The following RALGAPB variants were observed in gnomAD, a reference collection of about 807,000 sequenced individuals.
The protein encoded by RALGAPB is ral GTPase-activating protein subunit beta.
Under a neutral mutation model 161.1 loss-of-function variants are expected in RALGAPB, and 25 were observed. The observed-to-expected ratio is 0.16, with a 90% CI of 0.11 to 0.22. The LOEUF (loss-of-function observed/expected upper bound fraction) is 0.22, where lower values mean the gene tolerates loss of function less well. RALGAPB is among the 10% of genes least tolerant of loss of function. RALGAPB has a pLI of 1.00. For missense variants in RALGAPB, 1,391 were observed against 1,815.2 expected (o/e 0.77, Z 4.25); for synonymous variants, 629 against 626.1 (o/e 1.00, Z -0.07).
At chr20:38,508,082 C>T (rs1273413405) in intron 5 of RALGAPB, among the ~76,000 whole-genome samples, 1 of 150,976 alleles carries the variant, frequency 6.6e-6, no homozygotes, top group Non-Finnish European at 1.5e-5. Context: ...TGAGATGAAT[C>T]TTTTAAAAAA....
chr20:38,567,699 CT>C (rs922321074), intron 26 of RALGAPB, among the ~76,000 whole-genome samples: 1 of 152,140 alleles, frequency 6.6e-6, no homozygotes, highest in Non-Finnish European at 1.5e-5. Context: ...TTTGCTTTAT[CT>C]TTTTTCTTAC....
intron 13 of RALGAPB, among the ~76,000 whole-genome samples, chr20:38,528,393 A>G (rs1298542079): frequency 6.7e-6 from 1 of 148,628 alleles, no homozygotes; most frequent in African/African-American, 2.5e-5. Flanking sequence ...TTATTTAAAT[A>G]CAAGTTCTTG....
At chr20:38,488,086 A>C (rs1477292788) in intron 1 of RALGAPB, among the ~76,000 whole-genome samples, 1 of 152,204 alleles carries the variant, frequency 6.6e-6, no homozygotes, top group Non-Finnish European at 1.5e-5. Flanking sequence ...TGTATTTTCC[A>C]TTGTGACCCA....
chr20:38,542,262 A>C (rs1005671155), intron 18 of RALGAPB, among the ~76,000 whole-genome samples: 2 of 152,160 alleles, frequency 1.3e-5, no homozygotes, highest in Non-Finnish European at 2.9e-5. Context: ...AACCGCTTGA[A>C]AATTCGTGTG....
chr20:38,480,016 C>G (rs939826013), intron 1 of RALGAPB, among the ~76,000 whole-genome samples: 9 of 150,916 alleles, frequency 6.0e-5, no homozygotes, highest in Non-Finnish European at 1.2e-4. Context: ...GGGTCTTCTT[C>G]TGTTGCTCAG....
intron 5 of RALGAPB, among the ~76,000 whole-genome samples, chr20:38,503,558 G>A (rs1390322700): frequency 6.6e-6 from 1 of 152,168 alleles, no homozygotes; most frequent in African/African-American, 2.4e-5. Flanking sequence ...ATGGTGAGGA[G>A]TCTTATGGAT....
At chr20:38,568,233 C>G (rs1306008811) in intron 26 of RALGAPB, among the ~76,000 whole-genome samples, 4 of 150,372 alleles carry the variant, frequency 2.7e-5, no homozygotes, top group Middle Eastern at 3.5e-3. Context: ...TTTGCAGACA[C>G]TAACAGACTA....
At chr20:38,547,086 A>G (rs1343367772) in intron 19 of RALGAPB, 2 of 152,308 alleles carry the variant, frequency 1.3e-5, no homozygotes, top group African/African-American at 2.4e-5. Context: ...ATCTTCAACC[A>G]CAAATGACCA....
In RALGAPB at chr20:38,568,073, T is replaced by C. The variant is rs369105154; in HGVS notation, c.3954+841T>C. 1.7e-4 allele frequency among the ~76,000 whole-genome samples: 26 copies of C among 152,302 alleles called. No individual in the cohort carries two copies. In the East Asian group the frequency reaches 3.1e-3, roughly 18 times the overall value. ...GCAAGATTTTAGCCAAATCTAATAC[T>C]TACTTTAAAAGTTTTTTTTATTTGA... On this transcript the variant is annotated intron_variant, in intron 26 of 29. Transcript: ENST00000262879.
rs1254327210 is a variant in RALGAPB, at chr20:38,493,115, G to A, written c.372G>A (p.Gln124=). 2 of 1,604,714 alleles carry A rather than the reference G, an allele frequency of 1.2e-6. No homozygotes were observed. Among genetic ancestry groups the A allele is most frequent in the South Asian group, 2.2e-5 (2 of 90,766 alleles). ...TTCAAACTATACTAAAACACCTACA[G>A]AATCTTTTTGTACCAAGGTAAGCTA... ...QYVQTILKHL[Q]NLFVPRQEQG... is the part of the protein sequence containing the mutation. The change falls in exon 3 of 30, where the codon CAG becomes CAA. Residue 124 remains glutamine (Q), a synonymous_variant. Coordinates refer to ENST00000262879, the MANE Select transcript of RALGAPB (RefSeq NM_020336.4).
intron 1 of RALGAPB, among the ~76,000 whole-genome samples, chr20:38,483,552 G>A (rs1475241934): frequency 6.6e-6 from 1 of 152,114 alleles, no homozygotes; most frequent in Non-Finnish European, 1.5e-5. Context: ...CCGGGTCAAG[G>A]CACCCTTTGT....
At chr20:38,545,948 T>G (rs2087148749) in intron 18 of RALGAPB, among the ~76,000 whole-genome samples, 1 of 152,184 alleles carries the variant, frequency 6.6e-6, no homozygotes, top group South Asian at 2.1e-4. Flanking sequence ...GATCAAATTA[T>G]ACCAGCCTAA....
At chr20:38,488,943 G>A (rs2085198393) in intron 2 of RALGAPB, among the ~76,000 whole-genome samples, 1 of 152,192 alleles carries the variant, frequency 6.6e-6, no homozygotes, top group South Asian at 2.1e-4. Flanking sequence ...TTCCCCCAAA[G>A]ATCTAGGCTT....
intron 23 of RALGAPB, 33 bp downstream of exon 23, chr20:38,558,486 T>A: frequency 6.8e-7 from 1 of 1,473,200 alleles, no homozygotes; most frequent in South Asian, 1.4e-5. Flanking sequence ...TTTTGGTATG[T>A]TTTTGTGCTA....
intron 3 of RALGAPB, 111 bp from the exon 4 acceptor site, chr20:38,497,242 T>TAA: frequency 2.1e-6 from 2 of 957,310 alleles, no homozygotes; most frequent in East Asian, 2.4e-5. Context: ...CTGCTGATAA[T>TAA]ATTAGGGAGC....
chr20:38,532,628 T>G, intron 14 of RALGAPB, 102 bp from the exon 15 acceptor site: 1 of 1,401,342 alleles, frequency 7.1e-7, no homozygotes, highest in Non-Finnish European at 1.0e-6. Flanking sequence ...TACTATTCAG[T>G]TGGCACATTC....
intron 24 of RALGAPB, among the ~76,000 whole-genome samples, chr20:38,563,306 C>A (rs1021119623): frequency 9.2e-5 from 14 of 152,194 alleles, no homozygotes; most frequent in Non-Finnish European, 1.8e-4. Flanking sequence ...GTCATCCATA[C>A]AAACAATACA....
In RALGAPB at chr20:38,549,846, C is replaced by A. The variant is rs183593444; in HGVS notation, c.3009+1051C>A. 4.9e-3 allele frequency among the ~76,000 whole-genome samples: 744 copies of A among 152,124 alleles called. 7 individuals are homozygous for A. Among genetic ancestry groups the A allele is most frequent in the African/African-American group, 0.017 (718 of 41,476 alleles). ...AATTTGAGTCATTTTGTATACTGCT[C>A]TTTTCATTTATAACATTGTAAGCTT... On this transcript the variant is annotated intron_variant, in intron 20 of 29. Coordinates refer to ENST00000262879, the MANE Select transcript of RALGAPB (RefSeq NM_020336.4).
intron 18 of RALGAPB, among the ~76,000 whole-genome samples, chr20:38,542,221 G>A (rs1040331035): frequency 6.6e-6 from 1 of 152,124 alleles, no homozygotes; most frequent in African/African-American, 2.4e-5. Context: ...TGTGGGCTGG[G>A]GCATCTTGGT....
Sources: allele counts gnomAD v4.1 joint callset (sites outside exome capture counted in the v4.1 genomes callset), GRCh38; gene constraint gnomAD v4.1.1; transcripts MANE v1.5; gene names NCBI Gene and HGNC (gene_info 2026-07-23, HGNC 2026-07-21).